The following CASK variants were observed in gnomAD, a reference collection of about 807,000 sequenced individuals.
CASK encodes peripheral plasma membrane protein CASK.
A neutral mutation model predicts 82.9 loss-of-function variants in CASK; 4 were observed. The observed-to-expected ratio is 0.05, with a 90% CI of 0.02 to 0.11. CASK has a LOEUF of 0.11. Ranked by LOEUF, CASK falls within the 10% of genes least tolerant of loss-of-function variation. The pLI is 1.00. For missense variants in CASK, 358 were observed against 720.9 expected, an observed-to-expected ratio of 0.50 and a Z score of 5.76; for synonymous variants, 259 against 253.5, an observed-to-expected ratio of 1.02 and a Z score of -0.20.
intron 8 of CASK, among the ~76,000 whole-genome samples, chrX:41,641,135 G>A (rs753041354): frequency 7.3e-5 from 8 of 109,930 alleles, no homozygotes; most frequent in South Asian, 3.9e-4. Context: ...ACAGGCATGC[G>A]CTATCACGCC....
chrX:41,800,757 G>A (rs1476100509), intron 2 of CASK, among the ~76,000 whole-genome samples: 1 of 110,457 alleles, frequency 9.1e-6, no homozygotes, highest in Non-Finnish European at 1.9e-5. Flanking sequence ...GCGGTGTTTG[G>A]TTTTTTGTCC....
At chrX:41,845,689 T>C (rs1301115691) in intron 2 of CASK, among the ~76,000 whole-genome samples, 3 of 111,767 alleles carry the variant, frequency 2.7e-5, no homozygotes, top group Non-Finnish European at 3.8e-5. Flanking sequence ...TGCCTTGTAA[T>C]TGGAGTGTTT....
At chrX:41,605,773 C>T (rs1023674631) in intron 12 of CASK, among the ~76,000 whole-genome samples, 2 of 111,221 alleles carry the variant, frequency 1.8e-5, no homozygotes, top group African/African-American at 3.3e-5. Flanking sequence ...CCACCTCCTG[C>T]GTTCAAGTGA....
intron 2 of CASK, among the ~76,000 whole-genome samples, chrX:41,814,743 T>C (rs1238690352): frequency 9.4e-6 from 1 of 106,014 alleles, no homozygotes; most frequent in African/African-American, 3.4e-5. Flanking sequence ...AGTATAATAA[T>C]AAAAAAAAAG....
Position 41,589,609 on chromosome X carries a change from A to G in CASK, c.1156-17T>C. ...GTCATACAGCTAAAAAGCAAAGAAG[A>G]AAATCCAGTAAACACTCACAATTCT... On this transcript the variant is annotated splice_polypyrimidine_tract_variant and intron_variant, in intron 12 of 26. Coordinates refer to ENST00000378163, the MANE Select transcript of CASK (RefSeq NM_001367721.1). 9.5e-7 allele frequency: 1 copy of G among 1,054,851 alleles called. No individual in the cohort carries two copies. Among genetic ancestry groups the G allele is most frequent in the Middle Eastern group, 2.7e-4 (1 of 3,692 alleles). The allele number at this position is 1,054,851 out of a possible 1,213,427, so 86.9% of individuals were successfully genotyped here.
intron 2 of CASK, among the ~76,000 whole-genome samples, chrX:41,817,424 T>C (rs1400603962): frequency 1.8e-5 from 2 of 111,849 alleles, no homozygotes; most frequent in African/African-American, 3.3e-5. Flanking sequence ...AAGGAAGATG[T>C]AATTAATGCT....
intron 1 of CASK, among the ~76,000 whole-genome samples, chrX:41,889,459 T>C (rs2072124239): frequency 9.0e-6 from 1 of 111,452 alleles, no homozygotes; most frequent in Non-Finnish European, 1.9e-5. Context: ...TTTGGAGAAT[T>C]GTCTATTCAT....
At chrX:41,856,776 A>T (rs1457110154) in intron 1 of CASK, among the ~76,000 whole-genome samples, 1 of 98,850 alleles carries the variant, frequency 1.0e-5, no homozygotes, top group African/African-American at 3.7e-5. Flanking sequence ...AGCCTGGGTG[A>T]CAGAGCAAGA....
At chrX:41,529,394 G>A (rs746633111) in intron 25 of CASK, 4 of 177,759 alleles carry the variant, frequency 2.3e-5, no homozygotes, top group Admixed American at 6.7e-5. Context: ...CAGCAGCAGC[G>A]GCAGCAGCAG....
At chrX:41,896,185 A>C (rs1162824582) in intron 1 of CASK, among the ~76,000 whole-genome samples, 5 of 112,246 alleles carry the variant, frequency 4.5e-5, no homozygotes, top group African/African-American at 1.6e-4. Flanking sequence ...TAGAAATCCT[A>C]TTTAGAAAAG....
chrX:41,568,778 G>A (rs1202847379), intron 16 of CASK, among the ~76,000 whole-genome samples: 1 of 111,699 alleles, frequency 9.0e-6, no homozygotes, highest in Non-Finnish European at 1.9e-5. Flanking sequence ...CAGGCAGATT[G>A]CTTGGGTTCA....
At chrX:41,853,987 G>A (rs187630017) in intron 1 of CASK, among the ~76,000 whole-genome samples, 1 of 111,819 alleles carries the variant, frequency 8.9e-6, no homozygotes, top group African/African-American at 3.2e-5. Context: ...AGAAAGGCCT[G>A]CGTGGTTTGG....
chrX:41,629,123 G>A, intron 9 of CASK, among the ~76,000 whole-genome samples: 1 of 111,680 alleles, frequency 9.0e-6, no homozygotes, highest in South Asian at 3.7e-4. Flanking sequence ...CTTATGACTA[G>A]CAGTTTTGTT....
chrX:41,537,851 A>ATTC (rs1388546683), intron 22 of CASK, among the ~76,000 whole-genome samples: 2 of 104,587 alleles, frequency 1.9e-5, no homozygotes, highest in Non-Finnish European at 3.9e-5. Context: ...TATTATTATT[A>ATTC]TTATTATTGA....
chrX:41,916,671 C>T (rs973955439), intron 1 of CASK, among the ~76,000 whole-genome samples: 3 of 111,947 alleles, frequency 2.7e-5, no homozygotes, highest in Non-Finnish European at 5.6e-5. Context: ...ACACGGTTTT[C>T]AGAATCAGAG....
chrX:41,669,599 G>T (rs1173399041), intron 6 of CASK, among the ~76,000 whole-genome samples: 1 of 112,044 alleles, frequency 8.9e-6, no homozygotes, highest in African/African-American at 3.2e-5. Context: ...ATAAGTACCA[G>T]AATTGAGAGA....
Position 41,534,726 on chromosome X carries a change from C to G in CASK, c.2297G>C (p.Arg766Pro). 8.3e-7 allele frequency: 1 copy of G among 1,206,976 alleles called. No homozygotes were observed. Among genetic ancestry groups the G allele is most frequent in the South Asian group, 1.8e-5 (1 of 56,874 alleles). ...KNTLITKHPD[R>P]FAYPIPHTTR... ...CTTACGTGGAATAGGGTACGCAAAC[C>G]GGTCTGGGTGCTTTGTGATGAGAGT... The change falls in exon 24 of 27, where the codon CGG becomes CCG. Residue 766 changes from arginine (R) to proline (P), a missense_variant. Coordinates refer to ENST00000378163, the MANE Select transcript of CASK (RefSeq NM_001367721.1).
At chrX:41,861,599 C>T (rs1266257405) in intron 1 of CASK, among the ~76,000 whole-genome samples, 1 of 106,602 alleles carries the variant, frequency 9.4e-6, no homozygotes, top group African/African-American at 3.4e-5. Context: ...TACCTCATTT[C>T]CCCAATGAAA....
intron 3 of CASK, among the ~76,000 whole-genome samples, chrX:41,774,472 T>C (rs1479416313): frequency 9.0e-6 from 1 of 111,219 alleles, no homozygotes; most frequent in Non-Finnish European, 1.9e-5. Context: ...AGGTAATTTA[T>C]AGATTCAATG....
Sources: allele counts gnomAD v4.1 joint callset (sites outside exome capture counted in the v4.1 genomes callset), GRCh38; gene constraint gnomAD v4.1.1; transcripts MANE v1.5; gene names NCBI Gene and HGNC (gene_info 2026-07-23, HGNC 2026-07-21).